Variants in CCDC42 observed in about 807,000 individuals in gnomAD.
CCDC42 encodes the protein coiled-coil domain-containing protein 42.
Under a neutral mutation model 40.8 loss-of-function variants are expected in CCDC42, and 38 were observed. That is an observed-to-expected ratio of 0.93 (90% CI 0.72 to 1.22). The LOEUF (loss-of-function observed/expected upper bound fraction) is 1.22. Among genes scored for constraint, CCDC42 ranks in the 50% most tolerant of loss-of-function variants. CCDC42 has a pLI of 0.00. For missense variants in CCDC42, 379 were observed against 416.5 expected (o/e 0.91, Z 0.78); for synonymous variants, 135 against 157.5 (o/e 0.86, Z 1.07).
chr17:8,736,409 A>G (rs1246115625), intron 4 of CCDC42, among the ~76,000 whole-genome samples: 1 of 152,206 alleles, frequency 6.6e-6, no homozygotes, highest in Non-Finnish European at 1.5e-5. Context: ...GTCCAGAACC[A>G]TGCCACTCTG....
intron 4 of CCDC42, among the ~76,000 whole-genome samples, chr17:8,737,631 A>G (rs1597345173): frequency 6.6e-6 from 1 of 152,208 alleles, no homozygotes; most frequent in East Asian, 1.9e-4. Flanking sequence ...TCCCCCGACC[A>G]GTGAGGAAAC....
chr17:8,741,093 C>T (rs9900253), intron 4 of CCDC42, among the ~76,000 whole-genome samples: 25,932 of 152,100 alleles, frequency 0.17, 3,955 homozygotes, highest in African/African-American at 0.39. Context: ...AGGGAGGCCA[C>T]GTGCTGACAC....
chr17:8,743,496 A>G, intron 3 of CCDC42, 130 bp downstream of exon 3: 1 of 678,352 alleles, frequency 1.5e-6, no homozygotes, highest in African/African-American at 1.8e-5. Context: ...ATGCCAGGCA[A>G]TGTTGGAGCA....
In CCDC42 at chr17:8,735,446, C is replaced by T. The variant is rs2086604738; in HGVS notation, c.658G>A (p.Glu220Lys). ...AAGCGCATCTGCAGCCTTGCCAGCT[C>T]ATTGTTTTGCTGCAGGATCTCATCA... ...KDDEILQQNN[E>K]LARLQMRFDR... Residue 220 changes from glutamate to lysine, a missense_variant, in exon 5 of 7, where the codon GAG becomes AAG. Coordinates refer to ENST00000293845, the MANE Select transcript of CCDC42 (RefSeq NM_144681.3). The surrounding 1 kb of genome is among the most constrained non-coding windows in gnomAD (Gnocchi z 4.7). 6.2e-7 allele frequency: 1 copy of T among 1,613,956 alleles called. No homozygotes were observed. Among genetic ancestry groups the T allele is most frequent in the African/African-American group, 1.3e-5 (1 of 74,932 alleles).
At chr17:8,739,370 G>A (rs905385989) in intron 4 of CCDC42, among the ~76,000 whole-genome samples, 21 of 152,188 alleles carry the variant, frequency 1.4e-4, no homozygotes, top group South Asian at 4.1e-4. Flanking sequence ...ACAGGTCGTC[G>A]CGCCAGCGGC....
chr17:8,734,281 A>G (rs1286978340), intron 6 of CCDC42, among the ~76,000 whole-genome samples: 2 of 152,224 alleles, frequency 1.3e-5, no homozygotes, highest in Admixed American at 1.3e-4. Context: ...ACAACCATAT[A>G]AAGAAAAGCT....
At chr17:8,731,536 G>A (rs187366447) in intron 6 of CCDC42, among the ~76,000 whole-genome samples, 1 of 152,320 alleles carries the variant, frequency 6.6e-6, no homozygotes, top group East Asian at 1.9e-4. Context: ...TAAAGAAAAT[G>A]TGGTACTTAT....
chr17:8,736,309 A>G (rs2086611157), intron 4 of CCDC42, among the ~76,000 whole-genome samples: 2 of 152,140 alleles, frequency 1.3e-5, no homozygotes, highest in African/African-American at 4.8e-5. Flanking sequence ...GATCTCTGGT[A>G]TTTGTTCATT....
chr17:8,736,178 G>T (rs183268277), intron 4 of CCDC42, among the ~76,000 whole-genome samples: 1 of 152,208 alleles, frequency 6.6e-6, no homozygotes, highest in Non-Finnish European at 1.5e-5. Flanking sequence ...TTACAGCTTG[G>T]GGGGTGGCAT....
rs529047700 is a variant in CCDC42 at position 8,738,463 on chromosome 17, GATTT to G, written c.493-2856_493-2853del. ...TGACAAAATAATAAGCATGATTTGA[GATTT>G]TTTTTTTTTTTTTTTTGAGACGGAG... On this transcript the variant is annotated intron_variant, in intron 4 of 6. Transcript: ENST00000293845. 2.6e-4 allele frequency among the ~76,000 whole-genome samples: 35 copies of G among 136,580 alleles called. 1 individual carries two copies. The South Asian group carries it at 7.3e-3, about 28-fold the overall frequency. 89.6% of individuals were successfully genotyped at this position (136,580 alleles called of 152,430 possible).
At chr17:8,743,004 A>G (rs2086654290) in intron 3 of CCDC42, among the ~76,000 whole-genome samples, 1 of 152,214 alleles carries the variant, frequency 6.6e-6, no homozygotes, top group African/African-American at 2.4e-5. Flanking sequence ...GCAGGAAGGA[A>G]GGTGCTTAAG....
chr17:8,736,487 T>C (rs1335085678), intron 4 of CCDC42, among the ~76,000 whole-genome samples: 1 of 152,230 alleles, frequency 6.6e-6, no homozygotes, highest in African/African-American at 2.4e-5. Flanking sequence ...GAAGGCAGCA[T>C]GAACACCAGT....
At position 8,741,588 on chromosome 17, in the gene CCDC42, G is replaced by A. The variant is rs768611341; in HGVS notation, c.378C>T (p.Thr126=). 4 of 1,614,076 alleles carry A rather than the reference G, an allele frequency of 2.5e-6. No individual in the cohort carries two copies. Among genetic ancestry groups the A allele is most frequent in the Non-Finnish European group, 8.5e-7 (1 of 1,180,046 alleles). ...ELKCQHMQEL[T]KRKQEMVALR... The stretch of plus-strand genomic sequence containing the variant: ...GCGCCACCATCTCCTGCTTGCGCTT[G>A]GTCAGCTCCTGCATGTGCTGGCACT... Residue 126 remains threonine, a synonymous_variant, in exon 4 of 7, where the codon ACC becomes ACT. Transcript: ENST00000293845.
chr17:8,741,579 C>CT lies in CCDC42; in HGVS notation c.386dup (p.Gln130AlafsTer41). 1 of 1,614,252 alleles carries CT rather than the reference C, an allele frequency of 6.2e-7. No homozygotes were observed. The highest frequency in any genetic ancestry group is 8.5e-7 in the Non-Finnish European group (1 of 1,180,050). On this transcript the variant is annotated frameshift_variant, in exon 4 of 7. Transcript: ENST00000293845. LOFTEE classifies it high-confidence loss of function. ...CCAGCCGCAGCGCCACCATCTCCTG[C>CT]TTGCGCTTGGTCAGCTCCTGCATGT... is the stretch of plus-strand genomic sequence containing the variant.
chr17:8,735,642 C>G lies in CCDC42; in HGVS notation c.493-31G>C. ...GTCAGGGGCTCAGGTCAATGCACAG[C>G]CAGCCCCTGGGGCCTGAGGGAGCCA... On this transcript the variant is annotated intron_variant, in intron 4 of 6. Coordinates refer to ENST00000293845, the MANE Select transcript of CCDC42 (RefSeq NM_144681.3). This position sits in a 1 kb window ranked among gnomAD's most constrained non-coding sequence, Gnocchi z 4.7. 1 of 1,587,162 alleles carries G rather than the reference C, an allele frequency of 6.3e-7. No homozygotes were observed. Among genetic ancestry groups the G allele is most frequent in the Non-Finnish European group, 8.6e-7 (1 of 1,161,648 alleles).
rs1055623311 is a variant in CCDC42 at position 8,744,267 on chromosome 17, C to T, written c.84-83G>A. The T allele has an allele frequency of 2.9e-6, 3 of 1,051,944 alleles. No individual in the cohort carries two copies. In the East Asian group the frequency reaches 7.2e-5, roughly 25 times the overall value. 65.2% of individuals were successfully genotyped at this position (1,051,944 alleles called of 1,614,324 possible). ...TGGGAGTAACCCGTGGAGACAGATA[C>T]CCATGGGGAAGCAGAGGGGCCTCTC... On this transcript the variant is annotated intron_variant, in intron 1 of 6. Transcript: ENST00000293845.
Position 8,735,435 on chromosome 17 carries a change from C to G in CCDC42, c.669G>C (p.Arg223Ser), listed in dbSNP as rs780101445. The G allele has an allele frequency of 5.0e-6, 8 of 1,613,938 alleles. No homozygotes were observed. Among genetic ancestry groups the G allele is most frequent in the Non-Finnish European group, 6.8e-6 (8 of 1,180,042 alleles). Reference sequence around the variant, plus strand: ...GGGCACGGTCAAAGCGCATCTGCAGCCTTGCCAGCTCATTGTTTTGCTGCA... The same window carrying G: ...GGGCACGGTCAAAGCGCATCTGCAGGCTTGCCAGCTCATTGTTTTGCTGCA... ...EILQQNNELA[R>S]LQMRFDRARS... is the part of the protein sequence containing the mutation. The change falls in exon 5 of 7, where the codon AGG becomes AGC. Residue 223 changes from arginine (R) to serine (S), a missense_variant. Transcript: ENST00000293845. The surrounding 1 kb of genome is among the most constrained non-coding windows in gnomAD (Gnocchi z 4.7).
chr17:8,743,493 G>A, intron 3 of CCDC42, 133 bp downstream of exon 3: 1 of 671,318 alleles, frequency 1.5e-6, no homozygotes, highest in Middle Eastern at 4.0e-4. Context: ...GACATGCCAG[G>A]CAATGTTGGA....
At position 8,741,499 on chromosome 17, in the gene CCDC42, A is replaced by G; in HGVS notation, c.467T>C (p.Leu156Pro). Residue 156 changes from leucine to proline, a missense_variant, in exon 4 of 7, where the codon CTA becomes CCA. Physicochemically the swap from Leu to Pro is moderately conservative, Grantham distance 98 (BLOSUM62 -3). Transcript: ENST00000293845. ...CTCGGAGTTCTCCACCACCTTCTCT[A>G]GGTACTTGTTGAAGATGTAGTAGTC... is the stretch of plus-strand genomic sequence containing the variant. ...LKDYYIFNKY[L>P]EKVVENSEFE... 6.2e-7 allele frequency: 1 copy of G among 1,614,170 alleles called. No homozygotes were observed. The highest frequency in any genetic ancestry group is 8.5e-7 in the Non-Finnish European group (1 of 1,180,022).
Sources: allele counts gnomAD v4.1 joint callset (sites outside exome capture counted in the v4.1 genomes callset), GRCh38; gene constraint gnomAD v4.1.1; non-coding constraint Gnocchi (gnomAD v3.1); transcripts MANE v1.5; gene names NCBI Gene and HGNC (gene_info 2026-07-23, HGNC 2026-07-21).